DMD: variants seen among roughly 807,000 people sequenced by gnomAD.
The protein encoded by DMD is mutant dystrophin.
Under a neutral mutation model 330.1 loss-of-function variants are expected in DMD, and 63 were observed. That is an observed-to-expected ratio of 0.19 (90% CI 0.16 to 0.24). The LOEUF (loss-of-function observed/expected upper bound fraction) is 0.24. Ranked by LOEUF, DMD falls within the 10% of genes least tolerant of loss-of-function variation. The probability of loss-of-function intolerance (pLI) is 1.00; values close to 1 mark genes in which losing one functional copy is unlikely to be tolerated. For synonymous variants in DMD, 1,223 were observed against 959.8 expected (o/e 1.27, Z -5.07); for missense variants, 3,344 against 2,684.1 (o/e 1.25, Z -5.43).
In DMD at chrX:33,162,757, GT is replaced by G. The variant is rs1374495269; in HGVS notation, c.31+48524del. On this transcript the variant is annotated intron_variant, in intron 1 of 78. Transcript: ENST00000357033. ...ACTTTCTGATCTCTGTTTTTATGCTGTTTTTTTTTTTAGCATTTTCAAATTT... is the reference window on the plus strand; with the variant it reads ...ACTTTCTGATCTCTGTTTTTATGCTGTTTTTTTTTTAGCATTTTCAAATTT... 1.4e-3 allele frequency among the ~76,000 whole-genome samples: 143 copies of G among 102,518 alleles called. 1 individual carries two copies. The highest frequency in any genetic ancestry group is 3.2e-3 in the African/African-American group (92 of 28,535). The allele number at this position is 102,518 out of a possible 115,157, so 89.0% of individuals were successfully genotyped here. A position where few individuals can be genotyped will look rare whatever the true frequency, so the allele number is the denominator to read the frequency against.
At position 32,111,765 on chromosome X, in the gene DMD, T is replaced by A. The variant is rs138570059; in HGVS notation, c.6438+105151A>T. Among the ~76,000 whole-genome samples, 514 of 111,347 alleles carry A rather than the reference T, an allele frequency of 4.6e-3. 6 individuals are homozygous for A. The highest frequency in any genetic ancestry group is 0.016 in the African/African-American group (486 of 30,712). On this transcript the variant is annotated intron_variant, in intron 44 of 78. Transcript: ENST00000357033. ...TGTGATTCCATCAGCTCTGACCGAA[T>A]CATAATAAACAACAGTTTATTATGA... is the stretch of plus-strand genomic sequence containing the variant.
intron 63 of DMD, among the ~76,000 whole-genome samples, chrX:31,254,413 GTGA>G (rs769542177): frequency 9.0e-6 from 1 of 111,374 alleles, no homozygotes; most frequent in East Asian, 2.8e-4. Context: ...CTGGAGTGCA[GTGA>G]TGTAACCTCG....
chrX:32,112,614 C>G (rs73456119), intron 44 of DMD, among the ~76,000 whole-genome samples: 2,713 of 111,583 alleles, frequency 0.024, 75 homozygotes, highest in African/African-American at 0.084. Flanking sequence ...TTGTAAATAA[C>G]GGAGGGATGT....
chrX:32,608,782 T>A (rs756823115), intron 12 of DMD, among the ~76,000 whole-genome samples: 1 of 110,701 alleles, frequency 9.0e-6, no homozygotes, highest in Non-Finnish European at 1.9e-5. Flanking sequence ...CTGGTTATAA[T>A]ACAGTATTTT....
At chrX:31,880,967 A>C (rs2094053511) in intron 47 of DMD, among the ~76,000 whole-genome samples, 1 of 111,574 alleles carries the variant, frequency 9.0e-6, no homozygotes, top group Non-Finnish European at 1.9e-5. Context: ...TTGCCCATGA[A>C]GACCTTCCAG....
At chrX:33,337,799 A>C (rs910865838) in intron 1 of DMD, among the ~76,000 whole-genome samples, 3 of 111,975 alleles carry the variant, frequency 2.7e-5, no homozygotes, top group African/African-American at 9.7e-5. Flanking sequence ...GGAATACGTA[A>C]TTGAAAACCA....
chrX:32,598,617 G>C (rs1056144543), intron 12 of DMD, among the ~76,000 whole-genome samples: 2 of 111,821 alleles, frequency 1.8e-5, no homozygotes, highest in Non-Finnish European at 3.8e-5. Flanking sequence ...TACTTAAGAA[G>C]TGTAAGAAAA....
chrX:33,089,481 C>A (rs1270828228), intron 1 of DMD, among the ~76,000 whole-genome samples: 1 of 110,722 alleles, frequency 9.0e-6, no homozygotes, highest in East Asian at 2.9e-4. Context: ...ATAACTTGAG[C>A]CCAGGAGTTC....
At chrX:33,188,541 C>T (rs778107603) in intron 1 of DMD, among the ~76,000 whole-genome samples, 38 of 110,748 alleles carry the variant, frequency 3.4e-4, no homozygotes, top group South Asian at 1.2e-3. Flanking sequence ...GATCCAAAGA[C>T]CATTTCCCAG....
At chrX:32,047,704 A>G (rs2096073735) in intron 44 of DMD, among the ~76,000 whole-genome samples, 1 of 111,308 alleles carries the variant, frequency 9.0e-6, no homozygotes, top group African/African-American at 3.3e-5. Context: ...CCAAGACTCT[A>G]CTTTAGGCAG....
At chrX:31,245,628 C>A (rs913517783) in intron 63 of DMD, among the ~76,000 whole-genome samples, 1 of 111,846 alleles carries the variant, frequency 8.9e-6, no homozygotes, top group Non-Finnish European at 1.9e-5. Context: ...GTCTGTGTCT[C>A]GTTTTGAAAA....
At chrX:33,269,457 G>A (rs1282104993) in intron 1 of DMD, among the ~76,000 whole-genome samples, 2 of 110,961 alleles carry the variant, frequency 1.8e-5, no homozygotes, top group Non-Finnish European at 3.8e-5. Context: ...GACCGGCGGG[G>A]AAGGAGTTAA....
chrX:32,439,929 G>A (rs181356959), intron 28 of DMD, among the ~76,000 whole-genome samples: 1 of 111,076 alleles, frequency 9.0e-6, no homozygotes, highest in Admixed American at 9.6e-5. Context: ...ATAGTAAATA[G>A]TAATGGTAAG....
At chrX:32,695,418 C>T (rs1032471358) in intron 9 of DMD, among the ~76,000 whole-genome samples, 1 of 111,696 alleles carries the variant, frequency 9.0e-6, no homozygotes, top group Admixed American at 9.5e-5. Context: ...ACATGAAATA[C>T]GTGTGTAATG....
intron 1 of DMD, among the ~76,000 whole-genome samples, chrX:33,157,276 C>T (rs1480461374): frequency 9.0e-6 from 1 of 111,266 alleles, no homozygotes; most frequent in Non-Finnish European, 1.9e-5. Flanking sequence ...GCAATCCTTG[C>T]CATTCTTTGG....
chrX:31,741,311 G>A (rs1455943946), intron 51 of DMD, among the ~76,000 whole-genome samples: 3 of 111,808 alleles, frequency 2.7e-5, no homozygotes, highest in African/African-American at 9.7e-5. Context: ...CTGGAATGGT[G>A]AGGACTTTCC....
chrX:32,129,978 CT>C (rs756669672), intron 44 of DMD, among the ~76,000 whole-genome samples: 910 of 89,416 alleles, frequency 0.01, 7 homozygotes, highest in African/African-American at 0.025. Flanking sequence ...TTTTCAAAGA[CT>C]TTTTTTTTTT....
intron 7 of DMD, among the ~76,000 whole-genome samples, chrX:32,723,333 G>T (rs1386201324): frequency 1.8e-5 from 2 of 110,895 alleles, no homozygotes; most frequent in African/African-American, 6.5e-5. Context: ...ATACTTTATT[G>T]AGGACTTTCA....
At chrX:31,669,021 T>A (rs1429359799) in intron 53 of DMD, among the ~76,000 whole-genome samples, 1 of 112,371 alleles carries the variant, frequency 8.9e-6, no homozygotes, top group Admixed American at 9.4e-5. Flanking sequence ...GATGGAAACT[T>A]AGGTTGATTC....
Sources: allele counts gnomAD v4.1 joint callset (sites outside exome capture counted in the v4.1 genomes callset), GRCh38; gene constraint gnomAD v4.1.1; transcripts MANE v1.5; gene names NCBI Gene and HGNC (gene_info 2026-07-23, HGNC 2026-07-21).